Variants in USP34 observed in about 807,000 individuals in gnomAD.
The protein encoded by USP34 is ubiquitin specific peptidase 34, also known as ubiquitin carboxyl-terminal hydrolase 34.
USP34 carries 70 observed loss-of-function variants against 460.3 expected under a neutral mutation model. The ratio of observed to expected loss-of-function variants is 0.15; its 90% CI spans 0.13 to 0.19. The LOEUF is 0.19. USP34 is among the 10% of genes least tolerant of loss of function. USP34 has a pLI of 1.00. For missense variants in USP34, 3,985 were observed against 4,236.2 expected (o/e 0.94, Z 1.65); for synonymous variants, 1,647 against 1,405.3 (o/e 1.17, Z -3.85).
intron 1 of USP34, among the ~76,000 whole-genome samples, chr2:61,454,327 T>C (rs1695369548): frequency 6.6e-6 from 1 of 152,216 alleles, no homozygotes. Flanking sequence ...TTTTACCATG[T>C]TGGCCAGGCT....
chr2:61,293,379 G>GC (rs1453633729), intron 33 of USP34, 85 bp downstream of exon 33: 1 of 1,018,696 alleles, frequency 9.8e-7, no homozygotes, highest in African/African-American at 1.6e-5. Flanking sequence ...GAACTATATG[G>GC]CAAAAGCTAT....
At chr2:61,292,840 C>T (rs1312799035) in intron 33 of USP34, among the ~76,000 whole-genome samples, 1 of 151,758 alleles carries the variant, frequency 6.6e-6, no homozygotes, top group African/African-American at 2.4e-5. Flanking sequence ...ATTTTATTTT[C>T]ATATAGTACT....
At chr2:61,340,227 T>C (rs1342548361) in intron 16 of USP34, among the ~76,000 whole-genome samples, 2 of 152,164 alleles carry the variant, frequency 1.3e-5, no homozygotes, top group Non-Finnish European at 2.9e-5. Context: ...TAACACTATT[T>C]TTATTGGAGA....
intron 7 of USP34, among the ~76,000 whole-genome samples, chr2:61,378,913 G>GAAAAAAAAAAAAAAAAAAAAAAAAAAA (rs34463913): frequency 1.7e-5 from 1 of 57,870 alleles, no homozygotes; most frequent in Non-Finnish European, 2.8e-5. Context: ...TCAAAAAAAC[G>GAAAAAAAAAAAAAAAAAAAAAAAAAAA]AAAAAAAAAA....
chr2:61,203,660 C>T (rs1687035655), intron 74 of USP34, among the ~76,000 whole-genome samples: 1 of 151,450 alleles, frequency 6.6e-6, no homozygotes, highest in South Asian at 2.1e-4. Flanking sequence ...ACTGAAAATC[C>T]GAAGATGGCA....
At chr2:61,436,572 C>T (rs951896787) in intron 1 of USP34, among the ~76,000 whole-genome samples, 11 of 152,114 alleles carry the variant, frequency 7.2e-5, no homozygotes, top group African/African-American at 2.2e-4. Flanking sequence ...TTAGATCTAA[C>T]GGGAGAGACA....
intron 49 of USP34, among the ~76,000 whole-genome samples, chr2:61,247,856 G>A (rs1001801944): frequency 1.3e-5 from 2 of 152,040 alleles, no homozygotes; most frequent in South Asian, 4.1e-4. Context: ...GTGCAGTAGT[G>A]CAATCTCAAC....
chr2:61,458,656 G>T (rs1389592392), intron 1 of USP34, among the ~76,000 whole-genome samples: 2 of 148,266 alleles, frequency 1.3e-5, no homozygotes, highest in African/African-American at 5.0e-5. Flanking sequence ...GAGAACAAGG[G>T]AATGAAGCTA....
chr2:61,443,718 A>C (rs143135105), intron 1 of USP34, among the ~76,000 whole-genome samples: 4 of 152,302 alleles, frequency 2.6e-5, no homozygotes, highest in African/African-American at 9.6e-5. Flanking sequence ...TAGGGTAGTG[A>C]AACTACTTTG....
chr2:61,348,476 G>A lies in USP34; in HGVS notation c.1679C>T (p.Ser560Phe). ...AGTTTCGTCAGAACTTCCCTGCATG[G>A]ATTCCTGTATTTTGAAACAAATAGA... ...VQQRLSDTEE[S>F]MQGSSDETAN... The change falls in exon 15 of 80, where the codon TCC (serine) becomes TTC (phenylalanine). Residue 560 changes from serine to phenylalanine, a missense_variant. This residue lies in a region of USP34 where 716 missense variants were observed against 626.2 expected (regional missense o/e 1.14). Coordinates refer to ENST00000398571, the MANE Select transcript of USP34 (RefSeq NM_014709.4). 1.2e-6 allele frequency: 2 copies of A among 1,608,236 alleles called. No individual in the cohort carries two copies. Among genetic ancestry groups the A allele is most frequent in the Non-Finnish European group, 1.7e-6 (2 of 1,177,218 alleles).
At chr2:61,356,388 G>T (rs1414787593) in intron 10 of USP34, among the ~76,000 whole-genome samples, 4 of 152,026 alleles carry the variant, frequency 2.6e-5, no homozygotes, top group Non-Finnish European at 5.9e-5. Context: ...TACTTCAGAG[G>T]CTGAAGTGGG....
chr2:61,198,548 T>A (rs1248340836), intron 75 of USP34, among the ~76,000 whole-genome samples: 1 of 151,014 alleles, frequency 6.6e-6, no homozygotes, highest in East Asian at 1.9e-4. Context: ...CTTCACCCTA[T>A]CTGATAGACT....
At chr2:61,245,102 T>C in intron 51 of USP34, 108 bp downstream of exon 51, 1 of 699,800 alleles carries the variant, frequency 1.4e-6, no homozygotes, top group Non-Finnish European at 2.3e-6. Context: ...ATTTTTGATT[T>C]AATCATAGCA....
chr2:61,281,269 CAG>C (rs1300214822), intron 37 of USP34, 27 bp from the exon 38 acceptor site: 1 of 1,601,898 alleles, frequency 6.2e-7, no homozygotes, highest in Non-Finnish European at 8.5e-7. Context: ...GTTCCACAAA[CAG>C]TGAGAGTTAG....
intron 41 of USP34, among the ~76,000 whole-genome samples, chr2:61,267,954 C>T (rs1245551043): frequency 2.0e-5 from 3 of 151,396 alleles, no homozygotes; most frequent in Non-Finnish European, 4.4e-5. Context: ...TGGGGTTTCA[C>T]GATGTTGGCC....
At chr2:61,427,980 T>C (rs1390674833) in intron 1 of USP34, among the ~76,000 whole-genome samples, 1 of 151,888 alleles carries the variant, frequency 6.6e-6, no homozygotes, top group Non-Finnish European at 1.5e-5. Context: ...CTGGCCAACA[T>C]GGTGAAACCC....
chr2:61,404,542 G>T (rs920164426), intron 3 of USP34, among the ~76,000 whole-genome samples: 1 of 152,070 alleles, frequency 6.6e-6, no homozygotes, highest in Non-Finnish European at 1.5e-5. Context: ...TTGCCTTCCT[G>T]GAGCACTGCT....
intron 29 of USP34, 77 bp from the exon 30 acceptor site, chr2:61,297,002 G>A: frequency 6.8e-7 from 1 of 1,472,944 alleles, no homozygotes; most frequent in East Asian, 2.4e-5. Context: ...TTTGCATAAA[G>A]TAATGATCAA....
intron 8 of USP34, among the ~76,000 whole-genome samples, chr2:61,375,784 AAAAAAAAAAAG>A (rs1342886800): frequency 2.0e-5 from 3 of 150,580 alleles, no homozygotes; most frequent in African/African-American, 7.3e-5. Flanking sequence ...AAAAAAAAAA[AAAAAAAAAAAG>A]TAGAAACAAT....
Sources: gnomAD v4.1 joint callset for allele counts (sites outside exome capture counted in the v4.1 genomes callset) on GRCh38, gnomAD v4.1.1 for gene constraint, gnomAD v4.1.1 regional missense constraint, MANE v1.5 for transcripts, NCBI Gene and HGNC (gene_info 2026-07-23, HGNC 2026-07-21) for gene names.